ADAMTSL1: variants seen among roughly 807,000 people sequenced by gnomAD.
The protein encoded by ADAMTSL1 is ADAMTS-like protein 1.
ADAMTSL1 carries 126 observed loss-of-function variants against 201.8 expected under a neutral mutation model. The ratio of observed to expected loss-of-function variants is 0.62; its 90% CI spans 0.54 to 0.72. The LOEUF (loss-of-function observed/expected upper bound fraction) is 0.72. Ranked by LOEUF, ADAMTSL1 falls within the 30% of genes least tolerant of loss-of-function variation. The pLI, the probability that ADAMTSL1 is intolerant of heterozygous loss-of-function variation, is 0.00. For synonymous variants in ADAMTSL1, 1,121 were observed against 903.4 expected (o/e 1.24, Z -4.32); for missense variants, 2,679 against 2,277.8 (o/e 1.18, Z -3.59).
chr9:18,659,853 T>C (rs891473650), intron 8 of ADAMTSL1, among the ~76,000 whole-genome samples: 1 of 152,140 alleles, frequency 6.6e-6, no homozygotes, highest in Admixed American at 6.5e-5. Flanking sequence ...TACATTATTT[T>C]GATATTTTTA....
chr9:18,564,337 GC>G (rs1286071315), intron 3 of ADAMTSL1, among the ~76,000 whole-genome samples: 1 of 152,108 alleles, frequency 6.6e-6, no homozygotes, highest in Non-Finnish European at 1.5e-5. Context: ...TCCGTGGATT[GC>G]AGCTACTGTC....
chr9:18,220,275 A>G (rs893032924), intron 2 of ADAMTSL1, among the ~76,000 whole-genome samples: 1 of 152,156 alleles, frequency 6.6e-6, no homozygotes, highest in South Asian at 2.1e-4. Flanking sequence ...CTTACATTTT[A>G]AGCTTATGTT....
chr9:18,091,390 T>C (rs949571628), intron 1 of ADAMTSL1, among the ~76,000 whole-genome samples: 1 of 152,208 alleles, frequency 6.6e-6, no homozygotes, highest in African/African-American at 2.4e-5. Context: ...GGCAAGTCTT[T>C]GAATTAATAA....
At chr9:18,321,304 G>C (rs1032764148) in intron 2 of ADAMTSL1, among the ~76,000 whole-genome samples, 4 of 152,144 alleles carry the variant, frequency 2.6e-5, no homozygotes, top group African/African-American at 9.7e-5. Context: ...ACAATGTAGA[G>C]AGCAAAAACT....
At chr9:18,056,132 A>AT (rs539997494) in intron 1 of ADAMTSL1, among the ~76,000 whole-genome samples, 100 of 143,014 alleles carry the variant, frequency 7.0e-4, no homozygotes, top group South Asian at 2.4e-3. Context: ...AGAAAGGGTG[A>AT]TTTTTTTTTT....
At chr9:18,146,859 G>C (rs1248055790) in intron 1 of ADAMTSL1, among the ~76,000 whole-genome samples, 1 of 152,058 alleles carries the variant, frequency 6.6e-6, no homozygotes, top group Non-Finnish European at 1.5e-5. Context: ...ACATGTTAAA[G>C]CATGAAATTT....
At chr9:17,948,602 T>C (rs884097) in intron 1 of ADAMTSL1, among the ~76,000 whole-genome samples, 1 of 152,034 alleles carries the variant, frequency 6.6e-6, no homozygotes, top group African/African-American at 2.4e-5. Flanking sequence ...GAATACTAGT[T>C]TCTAGATTTA....
chr9:18,760,562 G>T (rs1820018355), intron 16 of ADAMTSL1, among the ~76,000 whole-genome samples: 1 of 152,138 alleles, frequency 6.6e-6, no homozygotes. Flanking sequence ...GTATTGTTTG[G>T]AACTTACTGG....
intron 3 of ADAMTSL1, among the ~76,000 whole-genome samples, chr9:18,556,397 A>G (rs1821111123): frequency 6.6e-6 from 1 of 152,020 alleles, no homozygotes; most frequent in African/African-American, 2.4e-5. Context: ...GATTAAGTGG[A>G]AAGCTTTATT....
chr9:18,659,130 T>A (rs1000075682), intron 8 of ADAMTSL1, among the ~76,000 whole-genome samples: 1 of 152,250 alleles, frequency 6.6e-6, no homozygotes, highest in African/African-American at 2.4e-5. Context: ...AGCCAGTTAA[T>A]TGGCTGACTT....
At chr9:18,794,672 G>A (rs1279591685) in intron 19 of ADAMTSL1, among the ~76,000 whole-genome samples, 2 of 149,550 alleles carry the variant, frequency 1.3e-5, no homozygotes, top group Non-Finnish European at 3.0e-5. Context: ...CATGCTCTGT[G>A]TCCCAAGCTG....
intron 23 of ADAMTSL1, among the ~76,000 whole-genome samples, chr9:18,870,468 C>G (rs1246968228): frequency 1.3e-5 from 2 of 152,208 alleles, no homozygotes; most frequent in East Asian, 3.8e-4. Context: ...CTACCTGCTG[C>G]TCTTTTGCTG....
At chr9:18,516,087 C>CAA (rs11418722) in intron 2 of ADAMTSL1, among the ~76,000 whole-genome samples, 1,960 of 130,964 alleles carry the variant, frequency 0.015, 29 homozygotes, top group East Asian at 0.047. Flanking sequence ...CCTCAACTAC[C>CAA]AAAAAAAAAA....
At chr9:18,588,274 C>G (rs1194170574) in intron 4 of ADAMTSL1, among the ~76,000 whole-genome samples, 1 of 152,116 alleles carries the variant, frequency 6.6e-6, no homozygotes. Flanking sequence ...CTTCCTTCAA[C>G]AAATATCTAT....
intron 2 of ADAMTSL1, among the ~76,000 whole-genome samples, chr9:18,388,758 T>G (rs1020862245): frequency 3.3e-5 from 5 of 151,556 alleles, no homozygotes; most frequent in Non-Finnish European, 5.9e-5. Flanking sequence ...GCACTGAATT[T>G]TTTTTTCTTT....
intron 23 of ADAMTSL1, among the ~76,000 whole-genome samples, chr9:18,845,744 A>G (rs1429225550): frequency 6.6e-6 from 1 of 152,216 alleles, no homozygotes; most frequent in East Asian, 1.9e-4. Flanking sequence ...ATCTCATGCA[A>G]AAAGGTGAAG....
chr9:18,596,289 C>T (rs569599760), intron 4 of ADAMTSL1, among the ~76,000 whole-genome samples: 123 of 152,214 alleles, frequency 8.1e-4, no homozygotes, highest in African/African-American at 2.9e-3. Context: ...ACAAAAATAA[C>T]TATAATCAGC....
chr9:18,324,296 C>G (rs1337033307), intron 2 of ADAMTSL1, among the ~76,000 whole-genome samples: 2 of 152,012 alleles, frequency 1.3e-5, no homozygotes, highest in African/African-American at 4.8e-5. Flanking sequence ...CACACTCACA[C>G]AAAACTTAAT....
At chr9:18,237,917 C>T (rs528695239) in intron 2 of ADAMTSL1, among the ~76,000 whole-genome samples, 108 of 152,296 alleles carry the variant, frequency 7.1e-4, no homozygotes, top group South Asian at 4.1e-3. Flanking sequence ...GTTCTTTGAA[C>T]GTTTCGTGGA....
Sources: gnomAD v4.1 joint callset for allele counts (sites outside exome capture counted in the v4.1 genomes callset) on GRCh38, gnomAD v4.1.1 for gene constraint, MANE v1.5 for transcripts, NCBI Gene and HGNC (gene_info 2026-07-23, HGNC 2026-07-21) for gene names.